The following WASF2 variants were observed in gnomAD, a reference collection of about 807,000 sequenced individuals.
The protein encoded by WASF2 is WASP family member 2, also known as actin-binding protein WASF2.
Under a neutral mutation model 45.0 loss-of-function variants are expected in WASF2, and 14 were observed. That is an observed-to-expected ratio of 0.31 (90% CI 0.21 to 0.49). The LOEUF (loss-of-function observed/expected upper bound fraction) is 0.49, where lower values mean the gene tolerates loss of function less well. Ranked by LOEUF, WASF2 falls within the 20% of genes least tolerant of loss-of-function variation. The probability of loss-of-function intolerance (pLI) is 0.99; values close to 1 mark genes in which losing one functional copy is unlikely to be tolerated. For synonymous variants in WASF2, 200 were observed against 236.3 expected (o/e 0.85, Z 1.41); for missense variants, 439 against 636.1 (o/e 0.69, Z 3.33).
intron 1 of WASF2, among the ~76,000 whole-genome samples, chr1:27,452,797 T>TA (rs2017402425): frequency 7.0e-6 from 1 of 143,382 alleles, no homozygotes; most frequent in Non-Finnish European, 1.5e-5. Context: ...GCCTGAGTGA[T>TA]AGAGTGGGAC....
At chr1:27,477,670 C>A (rs1274210344) in intron 1 of WASF2, among the ~76,000 whole-genome samples, 1 of 142,370 alleles carries the variant, frequency 7.0e-6, no homozygotes, top group Admixed American at 6.7e-5. Flanking sequence ...GAGGCCGAGG[C>A]GGGCGGATCA....
At position 27,417,185 on chromosome 1, in the gene WASF2, A is replaced by G. The variant is rs188672871; in HGVS notation, c.420-1083T>C. 1.4e-4 allele frequency among the ~76,000 whole-genome samples: 22 copies of G among 152,304 alleles called. No homozygotes were observed. The East Asian group carries it at 3.9e-3, about 27-fold the overall frequency. Reference sequence around the variant, plus strand: ...AAAATTCTCCTAATATCATTTGTTTATGCAATCCCACCACACAAACCCTAT... The same window carrying G: ...AAAATTCTCCTAATATCATTTGTTTGTGCAATCCCACCACACAAACCCTAT... On this transcript the variant is annotated intron_variant, in intron 4 of 8. Coordinates refer to ENST00000618852, the MANE Select transcript of WASF2 (RefSeq NM_006990.5).
chr1:27,449,797 T>C (rs1040035308), intron 1 of WASF2, among the ~76,000 whole-genome samples: 1 of 151,948 alleles, frequency 6.6e-6, no homozygotes, highest in Non-Finnish European at 1.5e-5. Context: ...AGAGAGGATC[T>C]ACATTTACCC....
intron 7 of WASF2, 60 bp downstream of exon 7, chr1:27,412,512 A>G: frequency 6.2e-7 from 1 of 1,603,296 alleles, no homozygotes. Flanking sequence ...CTCCTGGTCC[A>G]TTCTTTTGTT....
intron 1 of WASF2, among the ~76,000 whole-genome samples, chr1:27,470,570 C>T (rs1329529729): frequency 6.7e-6 from 1 of 149,656 alleles, no homozygotes; most frequent in Non-Finnish European, 1.5e-5. Context: ...AGACCTATAC[C>T]AGCCCTGAAT....
intron 2 of WASF2, among the ~76,000 whole-genome samples, chr1:27,428,345 T>C (rs532284470): frequency 6.6e-6 from 1 of 152,302 alleles, no homozygotes; most frequent in South Asian, 2.1e-4. Context: ...TATTGGCACA[T>C]TTGAGGCTTC....
chr1:27,409,428 CAA>C (rs60940665), intron 8 of WASF2, among the ~76,000 whole-genome samples: 5,579 of 43,926 alleles, frequency 0.13, 597 homozygotes, highest in African/African-American at 0.31. Context: ...CTGTCCCCCA[CAA>C]AAAAAAAAAA....
At chr1:27,467,783 G>A (rs984933050) in intron 1 of WASF2, among the ~76,000 whole-genome samples, 2 of 151,590 alleles carry the variant, frequency 1.3e-5, no homozygotes, top group African/African-American at 2.4e-5. Flanking sequence ...GTGGTGGCAC[G>A]CGACTGTAGT....
intron 1 of WASF2, among the ~76,000 whole-genome samples, chr1:27,465,884 G>A (rs1305680153): frequency 2.6e-5 from 4 of 152,180 alleles, no homozygotes; most frequent in African/African-American, 9.7e-5. Context: ...GTGCTAGAAA[G>A]CAAGGAACAC....
chr1:27,478,920 T>C (rs1241800384), intron 1 of WASF2, among the ~76,000 whole-genome samples: 1 of 152,060 alleles, frequency 6.6e-6, no homozygotes, highest in Non-Finnish European at 1.5e-5. Context: ...GTTGGCTACA[T>C]AGGTGTTTAC....
intron 1 of WASF2, among the ~76,000 whole-genome samples, chr1:27,479,352 C>A (rs948145374): frequency 6.6e-6 from 1 of 151,964 alleles, no homozygotes; most frequent in African/African-American, 2.4e-5. Context: ...ACCTTCGAGG[C>A]TAAGGTGGGA....
chr1:27,419,784 T>G (rs139501213), intron 2 of WASF2, among the ~76,000 whole-genome samples: 6 of 152,158 alleles, frequency 3.9e-5, no homozygotes, highest in Admixed American at 2.0e-4. Context: ...GAAAATACAG[T>G]GAACAACTAT....
intron 1 of WASF2, among the ~76,000 whole-genome samples, chr1:27,430,523 G>A (rs2017047116): frequency 6.6e-6 from 1 of 152,048 alleles, no homozygotes; most frequent in African/African-American, 2.4e-5. Context: ...ACCACGCCCA[G>A]CTAATTTTTG....
intron 1 of WASF2, among the ~76,000 whole-genome samples, chr1:27,489,250 G>GCA (rs1023392585): frequency 6.6e-4 from 74 of 111,676 alleles, no homozygotes; most frequent in East Asian, 3.7e-3. Context: ...TCCTGTACGC[G>GCA]CGCACACACA....
rs2016680047 is a variant in WASF2, at chr1:27,406,629, A to C, written c.*1560T>G. On this transcript the variant is annotated 3_prime_UTR_variant, in exon 9 of 9. Coordinates refer to ENST00000618852, the MANE Select transcript of WASF2 (RefSeq NM_006990.5). The stretch of plus-strand genomic sequence containing the variant: ...TACACAATAGTTAGGGCAGAAGAAA[A>C]GAAACCTCACTGTTGGCTAGAGCTG... 1 of 152,514 alleles carries C rather than the reference A, an allele frequency of 6.6e-6. No homozygotes were observed. Among genetic ancestry groups the C allele is most frequent in the South Asian group, 2.1e-4 (1 of 4,822 alleles). 9.4% of individuals were successfully genotyped at this position (152,514 alleles called of 1,614,324 possible). A position where few individuals can be genotyped will look rare whatever the true frequency, so the allele number is the denominator to read the frequency against.
At chr1:27,448,252 A>C (rs890455884) in intron 1 of WASF2, among the ~76,000 whole-genome samples, 1 of 152,224 alleles carries the variant, frequency 6.6e-6, no homozygotes, top group Admixed American at 6.5e-5. Context: ...AGTGACATTG[A>C]CATGGGGGCT....
In WASF2 at chr1:27,489,216, C is replaced by T. The variant is rs886176829; in HGVS notation, c.-44+770G>A. 2.0e-5 allele frequency among the ~76,000 whole-genome samples: 3 copies of T among 151,346 alleles called. No individual in the cohort carries two copies. In the Admixed American group the frequency reaches 2.0e-4, roughly 10 times the overall value. On this transcript the variant is annotated intron_variant, in intron 1 of 8. Coordinates refer to ENST00000618852, the MANE Select transcript of WASF2 (RefSeq NM_006990.5). ...TCCTTGGAACAGCCCCTTTAGACAACTCTCCTCCTTACTCTGCAGACTATC... is the reference window on the plus strand; with the variant it reads ...TCCTTGGAACAGCCCCTTTAGACAATTCTCCTCCTTACTCTGCAGACTATC...
At chr1:27,455,412 C>T (rs1033870781) in intron 1 of WASF2, among the ~76,000 whole-genome samples, 38 of 152,146 alleles carry the variant, frequency 2.5e-4, no homozygotes, top group Non-Finnish European at 4.4e-5. Context: ...TATATCAACA[C>T]ATGACATAGC....
intron 1 of WASF2, among the ~76,000 whole-genome samples, chr1:27,475,431 G>A (rs2017752903): frequency 6.6e-6 from 1 of 152,126 alleles, no homozygotes; most frequent in South Asian, 2.1e-4. Context: ...GCCATCAACA[G>A]TTCCTTCTCC....
Sources: gnomAD v4.1 joint callset for allele counts (sites outside exome capture counted in the v4.1 genomes callset) on GRCh38, gnomAD v4.1.1 for gene constraint, MANE v1.5 for transcripts, NCBI Gene and HGNC (gene_info 2026-07-23, HGNC 2026-07-21) for gene names.